Variants in BCL9 observed in about 807,000 individuals in gnomAD.
BCL9 encodes BCL9 transcription coactivator, also known as B-cell CLL/lymphoma 9 protein.
BCL9 carries 25 observed loss-of-function variants against 88.5 expected under a neutral mutation model. The observed-to-expected ratio is 0.28, with a 90% CI of 0.21 to 0.39. The LOEUF (loss-of-function observed/expected upper bound fraction) is 0.39. Among genes scored for constraint, BCL9 ranks in the 10% least tolerant of loss-of-function variants. BCL9 has a pLI of 1.00. For missense variants in BCL9, 1,817 were observed against 1,877.8 expected (o/e 0.97, Z 0.60); for synonymous variants, 711 against 673.3 (o/e 1.06, Z -0.87).
Position 147,618,967 on chromosome 1 carries a change from C to G in BCL9, c.812C>G (p.Pro271Arg), listed in dbSNP as rs782092791. The change falls in exon 8 of 10, where the codon CCA (proline) becomes CGA (arginine). Residue 271 changes from proline to arginine, a missense_variant. Transcript: ENST00000234739. ...PAPAPKPAAP[P>R]RPLDRESPGV... ...CCAGCACCCAAGCCTGCCGCACCCC[C>G]ACGTCCCCTGGACCGGGAGAGTCCT... 3.7e-6 allele frequency: 6 copies of G among 1,613,724 alleles called. No individual in the cohort carries two copies. The highest frequency in any genetic ancestry group is 5.1e-6 in the Non-Finnish European group (6 of 1,179,854).
chr1:147,541,666 AT>A lies in BCL9; in HGVS notation c.-485del, dbSNP rs1654324830. ...AAATGATTCTCCAGAATTTCTCCTC[AT>A]AAAAAAGGTAAGAGCCCTAACAATT... On this transcript the variant is annotated 5_prime_UTR_variant, in exon 1 of 10. The change abolishes the stop of an existing upstream ORF in the 5' untranslated region. Transcript: ENST00000234739. The A allele has an allele frequency of 1.3e-5, 2 of 151,894 alleles. No individual in the cohort carries two copies. The highest frequency in any genetic ancestry group is 4.8e-5 in the African/African-American group (2 of 41,352). The allele number at this position is 151,894 out of a possible 1,614,324, so 9.4% of individuals were successfully genotyped here.
At chr1:147,580,811 A>G (rs1656331093) in intron 1 of BCL9, among the ~76,000 whole-genome samples, 1 of 152,208 alleles carries the variant, frequency 6.6e-6, no homozygotes. Context: ...TTCCTCTAAT[A>G]GCCACCATAA....
chr1:147,615,301 C>T (rs2101613763), intron 6 of BCL9, among the ~76,000 whole-genome samples: 1 of 152,292 alleles, frequency 6.6e-6, no homozygotes, highest in African/African-American at 2.4e-5. Flanking sequence ...ACAGAGATAA[C>T]TACTGTAAAC....
In BCL9 at chr1:147,620,891, G is replaced by A; in HGVS notation, c.2736G>A (p.Gly912=). Residue 912 remains glycine, a synonymous_variant, in exon 8 of 10, where the codon GGG becomes GGA. Coordinates refer to ENST00000234739, the MANE Select transcript of BCL9 (RefSeq NM_004326.4). ...CCATTAAGTCCCCCCCTGTTTTGGG[G>A]TCTGCTGCTGCTTCACCTGTCCACC... ...AASIKSPPVL[G]SAAASPVHLK... is the part of the protein sequence containing the mutation. 1 of 1,614,130 alleles carries A rather than the reference G, an allele frequency of 6.2e-7. No individual in the cohort carries two copies. The highest frequency in any genetic ancestry group is 1.1e-5 in the South Asian group (1 of 91,080).
intron 1 of BCL9, among the ~76,000 whole-genome samples, chr1:147,576,616 A>G (rs782193614): frequency 2.0e-5 from 3 of 152,202 alleles, no homozygotes; most frequent in Non-Finnish European, 2.9e-5. Context: ...TATGACAATA[A>G]TGGTATCCAG....
chr1:147,603,752 G>C (rs1657517191), intron 1 of BCL9, among the ~76,000 whole-genome samples: 1 of 151,752 alleles, frequency 6.6e-6, no homozygotes, highest in African/African-American at 2.4e-5. Flanking sequence ...CTTGTGATCT[G>C]CCTGCCTCAT....
At chr1:147,544,648 T>C (rs1654475625) in intron 1 of BCL9, among the ~76,000 whole-genome samples, 1 of 152,150 alleles carries the variant, frequency 6.6e-6, no homozygotes, top group Admixed American at 6.5e-5. Flanking sequence ...CCATTATCAC[T>C]GTCATCTTGG....
intron 1 of BCL9, among the ~76,000 whole-genome samples, chr1:147,549,741 A>G (rs902622324): frequency 3.9e-5 from 6 of 152,220 alleles, no homozygotes; most frequent in Admixed American, 3.9e-4. Flanking sequence ...AGAGCCTGCA[A>G]TCAAGACTCG....
chr1:147,594,794 T>C (rs1656978982), intron 1 of BCL9, among the ~76,000 whole-genome samples: 1 of 152,208 alleles, frequency 6.6e-6, no homozygotes, highest in Non-Finnish European at 1.5e-5. Context: ...TTTGGCCATA[T>C]TGGACAGAGC....
chr1:147,589,607 G>A (rs953684239), intron 1 of BCL9, among the ~76,000 whole-genome samples: 2 of 152,146 alleles, frequency 1.3e-5, no homozygotes, highest in Non-Finnish European at 2.9e-5. Context: ...GCTTCTTTCA[G>A]GCTTCTTCTG....
chr1:147,624,047 G>A lies in BCL9; in HGVS notation c.3369G>A (p.Gly1123=). 1 of 1,614,024 alleles carries A rather than the reference G, an allele frequency of 6.2e-7. No individual in the cohort carries two copies. The highest frequency in any genetic ancestry group is 8.5e-7 in the Non-Finnish European group (1 of 1,179,910). ...CACACAATCCTATCATGGGGCATGG[G>A]TCCCAGGAGCCACCGATGGTACCTC... ...LMSHNPIMGH[G]SQEPPMVPQG... Residue 1123 remains glycine (G), a synonymous_variant, in exon 10 of 10, where the codon GGG becomes GGA. Coordinates refer to ENST00000234739, the MANE Select transcript of BCL9 (RefSeq NM_004326.4). The surrounding 1 kb of genome is among the most constrained non-coding windows in gnomAD (Gnocchi z 4.4).
intron 1 of BCL9, among the ~76,000 whole-genome samples, chr1:147,545,268 C>A (rs1411103747): frequency 1.3e-5 from 2 of 152,210 alleles, no homozygotes; most frequent in Admixed American, 6.5e-5. Flanking sequence ...CTGTGGCCAA[C>A]GCCTCCTCCT....
intron 1 of BCL9, among the ~76,000 whole-genome samples, chr1:147,595,323 C>T (rs1268045806): frequency 1.3e-5 from 2 of 152,136 alleles, no homozygotes; most frequent in African/African-American, 2.4e-5. Context: ...GTGGGTGCAA[C>T]CTGAATGCAA....
At chr1:147,611,203 G>A (rs1657985957) in intron 3 of BCL9, among the ~76,000 whole-genome samples, 1 of 152,144 alleles carries the variant, frequency 6.6e-6, no homozygotes, top group African/African-American at 2.4e-5. Context: ...GCGGTACCTA[G>A]GGGTTTCAAA....
chr1:147,554,206 T>A (rs1655007407), intron 1 of BCL9, among the ~76,000 whole-genome samples: 1 of 152,236 alleles, frequency 6.6e-6, no homozygotes, highest in Non-Finnish European at 1.5e-5. Flanking sequence ...TACACTGATG[T>A]TACGATTCAC....
intron 9 of BCL9, among the ~76,000 whole-genome samples, chr1:147,623,352 C>T (rs1399901224): frequency 2.6e-5 from 4 of 152,060 alleles, no homozygotes; most frequent in African/African-American, 4.8e-5. Flanking sequence ...TTGAACATTT[C>T]GTGGAATCTC....
chr1:147,577,052 A>AT (rs1249943057), intron 1 of BCL9, among the ~76,000 whole-genome samples: 18 of 151,514 alleles, frequency 1.2e-4, no homozygotes, highest in South Asian at 2.1e-4. Flanking sequence ...AGTACGCTAT[A>AT]TTTTTTTTTA....
chr1:147,620,132 C>T lies in BCL9; in HGVS notation c.1977C>T (p.Asn659=), dbSNP rs181882813. 6.3e-5 allele frequency: 102 copies of T among 1,614,176 alleles called. No individual in the cohort carries two copies. In the African/African-American group the frequency reaches 9.3e-4, roughly 15 times the overall value. ...MEGIRPSMEM[N]RMIPGSQRHM... Reference sequence around the variant, plus strand: ...GCATCAGGCCCAGCATGGAGATGAACAGGATGATTCCAGGCTCCCAGCGCC... The same window carrying T: ...GCATCAGGCCCAGCATGGAGATGAATAGGATGATTCCAGGCTCCCAGCGCC... The change falls in exon 8 of 10, where the codon AAC becomes AAT. Residue 659 remains asparagine (N), a synonymous_variant. Coordinates refer to ENST00000234739, the MANE Select transcript of BCL9 (RefSeq NM_004326.4).
At chr1:147,599,601 C>T (rs184494997) in intron 1 of BCL9, among the ~76,000 whole-genome samples, 1 of 152,064 alleles carries the variant, frequency 6.6e-6, no homozygotes, top group Non-Finnish European at 1.5e-5. Context: ...TGCCGAACCT[C>T]CCGCCCCGCC....
Sources: gnomAD v4.1 joint callset for allele counts (sites outside exome capture counted in the v4.1 genomes callset) on GRCh38, gnomAD v4.1.1 for gene constraint, Gnocchi (gnomAD v3.1) non-coding constraint, MANE v1.5 for transcripts, NCBI Gene and HGNC (gene_info 2026-07-23, HGNC 2026-07-21) for gene names.